The following PTPRD variants were observed in gnomAD, a reference collection of about 807,000 sequenced individuals.
PTPRD encodes receptor-type tyrosine-protein phosphatase delta.
A neutral mutation model predicts 214.5 loss-of-function variants in PTPRD; 34 were observed. The observed-to-expected ratio is 0.16, with a 90% CI of 0.12 to 0.21. PTPRD has a LOEUF of 0.21. PTPRD is among the 10% of genes least tolerant of loss of function. The pLI, the probability that PTPRD is intolerant of heterozygous loss-of-function variation, is 1.00. For missense variants in PTPRD, 2,545 were observed against 2,398.7 expected (o/e 1.06, Z -1.27); for synonymous variants, 1,128 against 845.7 (o/e 1.33, Z -5.79).
At chr9:9,750,341 G>A (rs2098504625) in intron 6 of PTPRD, among the ~76,000 whole-genome samples, 1 of 152,066 alleles carries the variant, frequency 6.6e-6, no homozygotes, top group Non-Finnish European at 1.5e-5. Context: ...AAAAGAGCTG[G>A]AAATAGAGAT....
chr9:10,181,920 T>C (rs925588106), intron 3 of PTPRD, among the ~76,000 whole-genome samples: 2 of 108,152 alleles, frequency 1.8e-5, no homozygotes, highest in Non-Finnish European at 3.5e-5. Context: ...CTTTCTTAAA[T>C]ATGACTATGT....
At chr9:9,551,379 C>G (rs606365) in intron 8 of PTPRD, among the ~76,000 whole-genome samples, 59,514 of 151,642 alleles carry the variant, frequency 0.39, 12,044 homozygotes, top group African/African-American at 0.44. Context: ...GTTATCTATT[C>G]GAATATTCTA....
At chr9:9,379,196 G>GATATATATATATATAT (rs61595587) in intron 9 of PTPRD, among the ~76,000 whole-genome samples, 38 of 145,198 alleles carry the variant, frequency 2.6e-4, no homozygotes, top group African/African-American at 9.2e-4. Flanking sequence ...TCTATGTTGA[G>GATATATATATATATAT]ATATATATAT....
chr9:10,060,912 CTTTCTTTCTTTCTTTCTTTCTTTCT>C (rs1567409015), intron 3 of PTPRD, among the ~76,000 whole-genome samples: 1 of 111,352 alleles, frequency 9.0e-6, no homozygotes, highest in African/African-American at 6.5e-5. Context: ...TTCTTTCTTT[CTTTCTTTCTTTCTTTCTTTCTTTCT>C]TTCTTTCTTT....
At chr9:9,942,722 T>C (rs933521047) in intron 4 of PTPRD, among the ~76,000 whole-genome samples, 1 of 152,180 alleles carries the variant, frequency 6.6e-6, no homozygotes, top group African/African-American at 2.4e-5. Flanking sequence ...ATAAGGTAGT[T>C]TGAGCATGTT....
At chr9:9,875,890 G>T (rs2066711262) in intron 5 of PTPRD, among the ~76,000 whole-genome samples, 1 of 152,112 alleles carries the variant, frequency 6.6e-6, no homozygotes, top group African/African-American at 2.4e-5. Context: ...GGTGAATACA[G>T]GGTCCAAGAT....
intron 11 of PTPRD, among the ~76,000 whole-genome samples, chr9:8,922,445 T>A (rs2154270962): frequency 6.6e-6 from 1 of 152,344 alleles, no homozygotes; most frequent in East Asian, 1.9e-4. Flanking sequence ...CTCCTACGAA[T>A]ATGAGAATAC....
intron 2 of PTPRD, among the ~76,000 whole-genome samples, chr9:10,491,478 T>G (rs2040211911): frequency 6.6e-6 from 1 of 152,064 alleles, no homozygotes; most frequent in Non-Finnish European, 1.5e-5. Flanking sequence ...AATATCAATA[T>G]GGAATCTTTA....
At chr9:10,361,978 A>G (rs765690838) in intron 2 of PTPRD, among the ~76,000 whole-genome samples, 4 of 152,200 alleles carry the variant, frequency 2.6e-5, no homozygotes, top group Admixed American at 6.5e-5. Flanking sequence ...AAGGAAATGT[A>G]TCATGGTTAA....
intron 30 of PTPRD, among the ~76,000 whole-genome samples, chr9:8,482,922 G>C (rs2096917971): frequency 6.6e-6 from 1 of 152,150 alleles, no homozygotes; most frequent in Non-Finnish European, 1.5e-5. Flanking sequence ...AAACTTTATT[G>C]ACCCATTCTG....
intron 4 of PTPRD, among the ~76,000 whole-genome samples, chr9:9,947,320 ATATAT>A (rs1465308142): frequency 1.8e-3 from 165 of 89,560 alleles, no homozygotes; most frequent in African/African-American, 5.8e-3. Flanking sequence ...TATATATTAT[ATATAT>A]TATATATGTA....
chr9:9,176,469 G>A (rs549807776), intron 10 of PTPRD, among the ~76,000 whole-genome samples: 17 of 152,000 alleles, frequency 1.1e-4, no homozygotes, highest in Non-Finnish European at 2.2e-4. Context: ...TTTCCAACTT[G>A]ATTACTAAAC....
Position 8,438,142 on chromosome 9 carries a change from T to C in PTPRD, c.3989-1453A>G, listed in dbSNP as rs144087151. Among the ~76,000 whole-genome samples, 209 of 152,288 alleles carry C rather than the reference T, an allele frequency of 1.4e-3. 1 individual carries two copies. Among genetic ancestry groups the C allele is most frequent in the African/African-American group, 5.0e-3 (206 of 41,570 alleles). On this transcript the variant is annotated intron_variant, in intron 34 of 45. Coordinates refer to ENST00000381196, the MANE Select transcript of PTPRD (RefSeq NM_002839.4). Reference sequence around the variant, plus strand: ...GAGGAAGGCTACAGAATGATGGCCATTGAGTCAACATGACATGTGACTACT... The same window carrying C: ...GAGGAAGGCTACAGAATGATGGCCACTGAGTCAACATGACATGTGACTACT...
chr9:8,358,063 G>A (rs941304349), intron 39 of PTPRD, among the ~76,000 whole-genome samples: 1 of 152,030 alleles, frequency 6.6e-6, no homozygotes, highest in African/African-American at 2.4e-5. Flanking sequence ...ATGACTCCTG[G>A]CATCGTTTTG....
chr9:8,805,791 C>T (rs947124107), intron 11 of PTPRD, among the ~76,000 whole-genome samples: 4 of 151,028 alleles, frequency 2.6e-5, no homozygotes, highest in African/African-American at 7.3e-5. Context: ...GTCAGGAGAT[C>T]GAGACCATCC....
chr9:10,553,195 A>T (rs1007479898), intron 2 of PTPRD, among the ~76,000 whole-genome samples: 4 of 152,208 alleles, frequency 2.6e-5, no homozygotes, highest in African/African-American at 7.2e-5. Flanking sequence ...GTCCCCACCC[A>T]GGCAGAAAGC....
At chr9:10,267,118 G>A (rs375899506) in intron 3 of PTPRD, among the ~76,000 whole-genome samples, 9 of 151,156 alleles carry the variant, frequency 6.0e-5, no homozygotes, top group East Asian at 2.0e-4. Context: ...CTGAACTCGG[G>A]GGGCAGAGGT....
chr9:9,783,921 G>A lies in PTPRD; in HGVS notation c.-367-17070C>T, dbSNP rs569113822. ...TACGCAAGTGATACTGAAGGCAACT[G>A]CCAGAGACTAAAGCCATAGGTTAGC... On this transcript the variant is annotated intron_variant, in intron 5 of 45. Transcript: ENST00000381196. Among the ~76,000 whole-genome samples the A allele has an allele frequency of 2.7e-5, 4 of 150,470 alleles. No individual in the cohort carries two copies. In the South Asian group the frequency reaches 8.6e-4, roughly 32 times the overall value.
intron 8 of PTPRD, among the ~76,000 whole-genome samples, chr9:9,547,918 T>C (rs2079187518): frequency 6.6e-6 from 1 of 151,960 alleles, no homozygotes; most frequent in South Asian, 2.1e-4. Context: ...AAAGGCTTAT[T>C]ATATCAAAGA....
Sources: allele counts gnomAD v4.1 joint callset (sites outside exome capture counted in the v4.1 genomes callset), GRCh38; gene constraint gnomAD v4.1.1; transcripts MANE v1.5; gene names NCBI Gene and HGNC (gene_info 2026-07-23, HGNC 2026-07-21).